ZFAND3: variants seen among roughly 807,000 people sequenced by gnomAD.
The protein encoded by ZFAND3 is AN1-type zinc finger protein 3.
In ZFAND3, 10 loss-of-function variants were observed where a neutral mutation model predicts 29.6. The ratio of observed to expected loss-of-function variants is 0.34; its 90% CI spans 0.21 to 0.57. The LOEUF (loss-of-function observed/expected upper bound fraction) is 0.57. Ranked by LOEUF, ZFAND3 falls within the 20% of genes least tolerant of loss-of-function variation. The pLI, the probability that ZFAND3 is intolerant of heterozygous loss-of-function variation, is 0.86. For synonymous variants in ZFAND3, 128 were observed against 112.6 expected, an observed-to-expected ratio of 1.14 and a Z score of -0.87; for missense variants, 230 against 304.5, an observed-to-expected ratio of 0.76 and a Z score of 1.82.
chr6:38,154,381 G>C lies in ZFAND3; in HGVS notation c.*1992G>C. 5.3e-5 allele frequency: 30 copies of C among 567,630 alleles called. No homozygotes were observed. Among genetic ancestry groups the C allele is most frequent in the Non-Finnish European group, 6.7e-5 (30 of 450,090 alleles). 35.2% of individuals were successfully genotyped at this position (567,630 alleles called of 1,614,324 possible). A position where few individuals can be genotyped will look rare whatever the true frequency, so the allele number is the denominator to read the frequency against. On this transcript the variant is annotated 3_prime_UTR_variant, in exon 6 of 6. Transcript: ENST00000287218. The stretch of plus-strand genomic sequence containing the variant: ...GCTTCCTGACTTAGAGCTGGGGGGG[G>C]TGGGGGGTGGGGCTTGTTCCCCTGC...
At chr6:38,062,242 T>C (rs902304393) in intron 3 of ZFAND3, among the ~76,000 whole-genome samples, 47 of 152,162 alleles carry the variant, frequency 3.1e-4, no homozygotes, top group African/African-American at 1.0e-3. Context: ...AACTGGGCCT[T>C]GACTGTTTCT....
intron 1 of ZFAND3, among the ~76,000 whole-genome samples, chr6:37,887,317 TTTG>T (rs1765013125): frequency 6.6e-6 from 1 of 152,212 alleles, no homozygotes; most frequent in Non-Finnish European, 1.5e-5. Context: ...TATGTAAGAA[TTTG>T]TATTAAATAT....
chr6:38,055,583 AGTTCC>A (rs1412099321), intron 2 of ZFAND3, among the ~76,000 whole-genome samples: 1 of 152,222 alleles, frequency 6.6e-6, no homozygotes, highest in Non-Finnish European at 1.5e-5. Flanking sequence ...CTTAATTCTT[AGTTCC>A]TCTTCTACTT....
At chr6:38,059,374 C>A (rs539275881) in intron 2 of ZFAND3, among the ~76,000 whole-genome samples, 166 of 152,132 alleles carry the variant, frequency 1.1e-3, no homozygotes, top group African/African-American at 3.6e-3. Context: ...AGCTCACTTG[C>A]TTTTCTCTCT....
At chr6:37,941,069 AT>A (rs1761802432) in intron 2 of ZFAND3, among the ~76,000 whole-genome samples, 1 of 152,192 alleles carries the variant, frequency 6.6e-6, no homozygotes, top group Admixed American at 6.5e-5. Context: ...ATCACATTTG[AT>A]TCTTACAATG....
intron 1 of ZFAND3, among the ~76,000 whole-genome samples, chr6:37,848,963 A>G (rs535334496): frequency 9.9e-5 from 15 of 152,168 alleles, no homozygotes; most frequent in Non-Finnish European, 2.1e-4. Context: ...TGACAAGTGA[A>G]GTTCTTTAAA....
chr6:37,896,042 T>A (rs1345612267), intron 1 of ZFAND3, among the ~76,000 whole-genome samples: 1 of 152,238 alleles, frequency 6.6e-6, no homozygotes, highest in East Asian at 1.9e-4. Flanking sequence ...TCTTTGTCCT[T>A]CCTTACATTG....
At chr6:38,124,359 C>T (rs1037515903) in intron 5 of ZFAND3, among the ~76,000 whole-genome samples, 12 of 152,208 alleles carry the variant, frequency 7.9e-5, no homozygotes, top group African/African-American at 2.2e-4. Context: ...TTGATGGGAC[C>T]GGGCGCCATG....
rs114510593 is a variant in ZFAND3 at position 38,065,596 on chromosome 6, A to T, written c.295+3821A>T. ...GCCTATTAGGGTAGGTGCTTTTATT[A>T]TACTTGTTTTTACAGATGAGGACAT... On this transcript the variant is annotated intron_variant, in intron 3 of 5. Transcript: ENST00000287218. Among the ~76,000 whole-genome samples the T allele has an allele frequency of 2.9e-3, 435 of 152,316 alleles. 1 individual carries two copies. Among genetic ancestry groups the T allele is most frequent in the Non-Finnish European group, 5.0e-3 (337 of 68,020 alleles).
chr6:38,106,154 CT>C (rs757788022), intron 4 of ZFAND3, among the ~76,000 whole-genome samples: 311 of 144,986 alleles, frequency 2.1e-3, no homozygotes, highest in Admixed American at 2.3e-3. Context: ...AAATGACATT[CT>C]TTTTTTTTTT....
intron 1 of ZFAND3, among the ~76,000 whole-genome samples, chr6:37,859,819 T>C (rs993583105): frequency 6.6e-6 from 1 of 151,730 alleles, no homozygotes; most frequent in Non-Finnish European, 1.5e-5. Flanking sequence ...GGTTTTTTTT[T>C]TTCCTGAGAT....
chr6:37,993,309 T>A (rs1762791979), intron 2 of ZFAND3, among the ~76,000 whole-genome samples: 1 of 151,550 alleles, frequency 6.6e-6, no homozygotes, highest in South Asian at 2.1e-4. Flanking sequence ...AAAAAATGAT[T>A]TTATTTTATT....
intron 2 of ZFAND3, among the ~76,000 whole-genome samples, chr6:38,049,962 T>TATTTTTTTA (rs1293966679): frequency 3.8e-4 from 4 of 10,446 alleles, no homozygotes; most frequent in South Asian, 7.4e-3. Context: ...TTTTTTTTTT[T>TATTTTTTTA]TTTTTTGGGG....
chr6:37,829,920 A>G (rs1268980517), intron 1 of ZFAND3, among the ~76,000 whole-genome samples: 1 of 152,194 alleles, frequency 6.6e-6, no homozygotes, highest in East Asian at 1.9e-4. Context: ...CTTGTATAGT[A>G]GGATCTCTTT....
chr6:37,985,515 A>C (rs1014297493), intron 2 of ZFAND3, among the ~76,000 whole-genome samples: 21 of 149,098 alleles, frequency 1.4e-4, no homozygotes, highest in African/African-American at 4.8e-4. Flanking sequence ...ACACACACAC[A>C]CACACACACA....
chr6:37,954,623 T>A (rs1023476357), intron 2 of ZFAND3, among the ~76,000 whole-genome samples: 1 of 152,180 alleles, frequency 6.6e-6, no homozygotes, highest in African/African-American at 2.4e-5. Flanking sequence ...CAGTTCTGGG[T>A]TAGTTTTGAT....
rs546661830 is a variant in ZFAND3 at position 37,945,594 on chromosome 6, C to G, written c.112+15595C>G. 3.9e-5 allele frequency among the ~76,000 whole-genome samples: 6 copies of G among 152,200 alleles called. No individual in the cohort carries two copies. The South Asian group carries it at 1.0e-3, about 26-fold the overall frequency. On this transcript the variant is annotated intron_variant, in intron 2 of 5. Coordinates refer to ENST00000287218, the MANE Select transcript of ZFAND3 (RefSeq NM_021943.3). ...TTTGCCATGTTGGCTAGTCTAGTCT[C>G]GAACTCCTGAACTCCAGTGATCCAC...
At chr6:37,832,974 C>T (rs889078380) in intron 1 of ZFAND3, 3 of 152,264 alleles carry the variant, frequency 2.0e-5, no homozygotes, top group Non-Finnish European at 4.4e-5. Context: ...CGTGATCCCA[C>T]TACTGATGAG....
At chr6:37,958,327 G>A (rs1041579654) in intron 2 of ZFAND3, among the ~76,000 whole-genome samples, 19 of 151,646 alleles carry the variant, frequency 1.3e-4, no homozygotes, top group African/African-American at 4.4e-4. Context: ...GGTGGCGGGC[G>A]CCTGTAACCC....
Sources: gnomAD v4.1 joint callset for allele counts (sites outside exome capture counted in the v4.1 genomes callset) on GRCh38, gnomAD v4.1.1 for gene constraint, MANE v1.5 for transcripts, NCBI Gene and HGNC (gene_info 2026-07-23, HGNC 2026-07-21) for gene names.